OXNAD1: variants seen among roughly 807,000 people sequenced by gnomAD.
OXNAD1 encodes oxidoreductase NAD-binding domain-containing protein 1.
Under a neutral mutation model 32.9 loss-of-function variants are expected in OXNAD1, and 34 were observed. The observed-to-expected ratio is 1.03, with a 90% CI of 0.79 to 1.38. The LOEUF is 1.38. Ranked by LOEUF, OXNAD1 falls within the 40% of genes most tolerant of loss-of-function variation. The probability of loss-of-function intolerance (pLI) is 0.00; values close to 1 mark genes in which losing one functional copy is unlikely to be tolerated. For synonymous variants in OXNAD1, 134 were observed against 135.2 expected (o/e 0.99, Z 0.06); for missense variants, 407 against 379.4 (o/e 1.07, Z -0.60).
chr3:16,333,994 T>C (rs946737990), intron 9 of OXNAD1, among the ~76,000 whole-genome samples: 3 of 151,676 alleles, frequency 2.0e-5, no homozygotes, highest in Non-Finnish European at 4.4e-5. Context: ...TGAAACCCCG[T>C]CTCTACTAAA....
At chr3:16,331,801 G>A (rs1031990799) in intron 9 of OXNAD1, among the ~76,000 whole-genome samples, 5 of 152,138 alleles carry the variant, frequency 3.3e-5, no homozygotes, top group Admixed American at 1.3e-4. Flanking sequence ...AGCACATCCT[G>A]TAGTGACTCT....
chr3:16,341,630 T>TA (rs1053810858), downstream of OXNAD1, among the ~76,000 whole-genome samples: 7 of 151,914 alleles, frequency 4.6e-5, no homozygotes, highest in Non-Finnish European at 7.4e-5. The surrounding 1 kb of genome is among the most constrained non-coding windows in gnomAD (Gnocchi z 4.7). Flanking sequence ...TTTATTTTTC[T>TA]AAAAAAAAGT....
At position 16,346,006 on chromosome 3, in the gene OXNAD1, A is replaced by G. The variant is rs780608313; in HGVS notation, c.*31-3170A>G. 1 of 152,184 alleles carries G rather than the reference A, an allele frequency of 6.6e-6. No individual in the cohort carries two copies. The highest frequency in any genetic ancestry group is 2.4e-5 in the African/African-American group (1 of 41,436). The allele number at this position is 152,184 out of a possible 1,614,324, so 9.4% of individuals were successfully genotyped here. A position where few individuals can be genotyped will look rare whatever the true frequency, so the allele number is the denominator to read the frequency against. ...TTTGTTTCATCCTCTCTTCCTCTGC[A>G]GCAAGAATCAAAATTCACTTTGCCC... On this transcript the variant is annotated intron_variant, in intron 9 of 9. Coordinates refer to the OXNAD1 transcript ENST00000606098. The surrounding 1 kb of genome is among the most constrained non-coding windows in gnomAD (Gnocchi z 4.4).
intron 9 of OXNAD1, chr3:16,323,413 G>A (rs1057490805): frequency 8.1e-6 from 13 of 1,611,912 alleles, no homozygotes; most frequent in Admixed American, 1.7e-5. Flanking sequence ...AGGTAGACAA[G>A]GTCTCTGAAG....
chr3:16,336,382 G>A lies in OXNAD1; in HGVS notation c.*31-730G>A, dbSNP rs73142385. 0.067 allele frequency among the ~76,000 whole-genome samples: 10,237 copies of A among 152,246 alleles called. 855 individuals are homozygous for A. The highest frequency in any genetic ancestry group is 0.2 in the African/African-American group (8,202 of 41,506). ...GTGGAGCCCATGGAGGTGAGGTGGA[G>A]GGAGGGAGAAGGGAAGGGGCGACCT... On this transcript the variant is annotated intron_variant, in intron 9 of 9. Transcript: ENST00000435829. This position sits in a 1 kb window ranked among gnomAD's most constrained non-coding sequence, Gnocchi z 6.0.
At position 16,317,960 on chromosome 3, in the gene OXNAD1, C is replaced by T. The variant is rs372695448; in HGVS notation, c.*30+14368C>T. ...TCACAGCCCAAATTCTCCCTCTGCC[C>T]GCTACTGTACCGACAAGTGTTCTAA... On this transcript the variant is annotated intron_variant, in intron 9 of 9. Coordinates refer to the OXNAD1 transcript ENST00000435829. This position sits in a 1 kb window ranked among gnomAD's most constrained non-coding sequence, Gnocchi z 4.3. Among the ~76,000 whole-genome samples, 9 of 152,182 alleles carry T rather than the reference C, an allele frequency of 5.9e-5. No homozygotes were observed. The South Asian group carries it at 1.4e-3, about 24-fold the overall frequency.
Position 16,280,430 on chromosome 3 carries a change from A to G in OXNAD1, c.184-5912A>G, listed in dbSNP as rs2065659021. ...GGAGAATTTTGTGTCTACCTTTGTT[A>G]GTAAATCACTTGAGTAAAATCTGCT... On this transcript the variant is annotated intron_variant, in intron 4 of 8. Transcript: ENST00000285083. This position sits in a 1 kb window ranked among gnomAD's most constrained non-coding sequence, Gnocchi z 4.5. 6.6e-6 allele frequency among the ~76,000 whole-genome samples: 1 copy of G among 152,124 alleles called. No individual in the cohort carries two copies. The highest frequency in any genetic ancestry group is 1.5e-5 in the Non-Finnish European group (1 of 68,024).
At position 16,301,710 on chromosome 3, in the gene OXNAD1, G is replaced by GTGT; in HGVS notation, c.520_522dup (p.Leu174dup). ...GCCTGCGGATGCCTCTAGAAACCTC[G>GTGT]TGTTGATTGCAGGAGGAGTCGGAAT... is the stretch of plus-strand genomic sequence containing the variant. On this transcript the variant is annotated inframe_insertion, in exon 7 of 9. Coordinates refer to ENST00000285083, the MANE Select transcript of OXNAD1 (RefSeq NM_138381.5). This position sits in a 1 kb window ranked among gnomAD's most constrained non-coding sequence, Gnocchi z 4.1. 1 of 1,614,012 alleles carries GTGT rather than the reference G, an allele frequency of 6.2e-7. No homozygotes were observed. Among genetic ancestry groups the GTGT allele is most frequent in the Non-Finnish European group, 8.5e-7 (1 of 1,179,986 alleles).
At position 16,316,069 on chromosome 3, in the gene OXNAD1, G is replaced by T. The variant is rs2068358331; in HGVS notation, c.*30+12477G>T. On this transcript the variant is annotated intron_variant, in intron 9 of 9. Transcript: ENST00000435829. The surrounding 1 kb of genome is among the most constrained non-coding windows in gnomAD (Gnocchi z 4.5). ...ACTGATTAAAATAGCACATAACAAGGGCGCCAGCCAGTCCCGATGCCCTGA... is the reference window on the plus strand; with the variant it reads ...ACTGATTAAAATAGCACATAACAAGTGCGCCAGCCAGTCCCGATGCCCTGA... The T allele has an allele frequency of 6.5e-6, 1 of 152,682 alleles. No homozygotes were observed. The highest frequency in any genetic ancestry group is 6.5e-5 in the Admixed American group (1 of 15,288). 9.5% of individuals were successfully genotyped at this position (152,682 alleles called of 1,614,324 possible).
rs1341721709 is a variant in OXNAD1, at chr3:16,305,700, C to T, written c.*2138C>T. ...TGCCTGGGTTCAGATCTCACCTATA[C>T]TACTTACTAGGTAGATGACCTTGAG... is the stretch of plus-strand genomic sequence containing the variant. On this transcript the variant is annotated 3_prime_UTR_variant, in exon 9 of 9. Transcript: ENST00000285083. The surrounding 1 kb of genome is among the most constrained non-coding windows in gnomAD (Gnocchi z 4.5). 6.6e-6 allele frequency: 1 copy of T among 152,198 alleles called. No individual in the cohort carries two copies. Among genetic ancestry groups the T allele is most frequent in the Admixed American group, 6.5e-5 (1 of 15,274 alleles). 9.4% of individuals were successfully genotyped at this position (152,198 alleles called of 1,614,324 possible). A position where few individuals can be genotyped will look rare whatever the true frequency, so the allele number is the denominator to read the frequency against.
At chr3:16,308,549 TTA>T (rs949627664), downstream of OXNAD1, among the ~76,000 whole-genome samples, 1 of 152,028 alleles carries the variant, frequency 6.6e-6, no homozygotes, top group East Asian at 1.9e-4. The surrounding 1 kb of genome is among the most constrained non-coding windows in gnomAD (Gnocchi z 4.4). Context: ...TTATTTCATC[TTA>T]TTTTATTTTA....
At position 16,317,285 on chromosome 3, in the gene OXNAD1, T is replaced by C; in HGVS notation, c.*30+13693T>C. The C allele has an allele frequency of 6.3e-7, 1 of 1,582,298 alleles. No homozygotes were observed. The highest frequency in any genetic ancestry group is 8.6e-7 in the Non-Finnish European group (1 of 1,166,316). ...TAACAAGCCTCCGGGAACCCAGAGC[T>C]TCACCCAAAGCCTTGTTTGCATTCA... On this transcript the variant is annotated intron_variant, in intron 9 of 9. Transcript: ENST00000435829. This position sits in a 1 kb window ranked among gnomAD's most constrained non-coding sequence, Gnocchi z 4.3.
At chr3:16,339,118 G>A (rs1000042990), downstream of OXNAD1, among the ~76,000 whole-genome samples, 1 of 152,228 alleles carries the variant, frequency 6.6e-6, no homozygotes, top group Admixed American at 6.5e-5. Context: ...CACTAAGGAA[G>A]GGATTGGGTA....
Position 16,334,945 on chromosome 3 carries a change from C to G in OXNAD1, c.*31-2167C>G, listed in dbSNP as rs1364079373. Among the ~76,000 whole-genome samples the G allele has an allele frequency of 6.6e-6, 1 of 152,152 alleles. No homozygotes were observed. The highest frequency in any genetic ancestry group is 1.5e-5 in the Non-Finnish European group (1 of 68,020). On this transcript the variant is annotated intron_variant, in intron 9 of 9. Transcript: ENST00000435829. The surrounding 1 kb of genome is among the most constrained non-coding windows in gnomAD (Gnocchi z 4.3). ...GGCAGCAGCAGAGGCTGGAGTGATG[C>G]AGGGAAGGGGCCACGAGCCAAGGAA... is the stretch of plus-strand genomic sequence containing the variant.
chr3:16,331,231 C>A (rs911153811), intron 9 of OXNAD1, among the ~76,000 whole-genome samples: 1 of 152,200 alleles, frequency 6.6e-6, no homozygotes, highest in African/African-American at 2.4e-5. Flanking sequence ...AAAATTGCTA[C>A]CAAAACACTA....
chr3:16,273,538 C>T (rs116429730), intron 4 of OXNAD1, among the ~76,000 whole-genome samples: 4,327 of 152,148 alleles, frequency 0.028, 98 homozygotes, highest in Middle Eastern at 0.082. Context: ...GGACTACAGG[C>T]ACACTATTGT....
At position 16,345,846 on chromosome 3, in the gene OXNAD1, G is replaced by A. The variant is rs1451060266; in HGVS notation, c.*31-3330G>A. The stretch of plus-strand genomic sequence containing the variant: ...CGCGCGCGTGCGCGCACGCGCACAT[G>A]TGCATGTGTATGTGTATAATCTCCT... On this transcript the variant is annotated intron_variant, in intron 9 of 9. Coordinates refer to the OXNAD1 transcript ENST00000606098. The surrounding 1 kb of genome is among the most constrained non-coding windows in gnomAD (Gnocchi z 5.2). Among the ~76,000 whole-genome samples, 2 of 97,092 alleles carry A rather than the reference G, an allele frequency of 2.1e-5. No individual in the cohort carries two copies. Among genetic ancestry groups the A allele is most frequent in the East Asian group, 2.7e-4 (1 of 3,752 alleles). 63.7% of individuals were successfully genotyped at this position (97,092 alleles called of 152,430 possible).
chr3:16,278,015 CT>C (rs1444862217), intron 4 of OXNAD1, among the ~76,000 whole-genome samples: 3 of 152,216 alleles, frequency 2.0e-5, no homozygotes, highest in Non-Finnish European at 2.9e-5. Context: ...TCATTCCGTG[CT>C]TGGCCTCTAC....
At chr3:16,274,808 C>T (rs842288) in intron 4 of OXNAD1, among the ~76,000 whole-genome samples, 103,257 of 152,126 alleles carry the variant, frequency 0.68, 35,964 homozygotes, top group African/African-American at 0.84. Context: ...CCGAATCGTA[C>T]CATTTATTCA....
Sources: gnomAD v4.1 joint callset for allele counts (sites outside exome capture counted in the v4.1 genomes callset) on GRCh38, gnomAD v4.1.1 for gene constraint, Gnocchi (gnomAD v3.1) non-coding constraint, MANE v1.5 for transcripts, NCBI Gene and HGNC (gene_info 2026-07-23, HGNC 2026-07-21) for gene names.